The following ARHGAP5 variants were observed in gnomAD, a reference collection of about 807,000 sequenced individuals.
ARHGAP5 encodes rho GTPase-activating protein 5.
In ARHGAP5, 23 loss-of-function variants were observed where a neutral mutation model predicts 116.6. The ratio of observed to expected loss-of-function variants is 0.20; its 90% confidence interval spans 0.14 to 0.28. The LOEUF is 0.28. Ranked by LOEUF, ARHGAP5 falls within the 10% of genes least tolerant of loss-of-function variation. The pLI, the probability that ARHGAP5 is intolerant of heterozygous loss-of-function variation, is 1.00. For missense variants in ARHGAP5, 1,405 were observed against 1,774.8 expected (o/e 0.79, Z 3.74); for synonymous variants, 574 against 602.0 (o/e 0.95, Z 0.68).
intron 2 of ARHGAP5, among the ~76,000 whole-genome samples, chr14:32,096,519 A>T (rs1409301196): frequency 6.6e-6 from 1 of 152,244 alleles, no homozygotes; most frequent in Non-Finnish European, 1.5e-5. Flanking sequence ...GATAGATCAG[A>T]TTAAAAGATA....
intron 3 of ARHGAP5, among the ~76,000 whole-genome samples, chr14:32,136,098 T>C (rs1880777685): frequency 6.6e-6 from 1 of 152,246 alleles, no homozygotes; most frequent in South Asian, 2.1e-4. Context: ...TTTTGTTTTT[T>C]TCTTCCCAGC....
chr14:32,111,118 C>T (rs146924456), intron 2 of ARHGAP5, among the ~76,000 whole-genome samples: 5 of 152,290 alleles, frequency 3.3e-5, no homozygotes, highest in East Asian at 3.9e-4. Context: ...AGAAGACAAT[C>T]AGAGCCTGGG....
At chr14:32,153,773 A>G (rs1308035040) in intron 6 of ARHGAP5, among the ~76,000 whole-genome samples, 1 of 151,882 alleles carries the variant, frequency 6.6e-6, no homozygotes. Context: ...ACCTGCTGCA[A>G]CCAGGTTTTC....
intron 3 of ARHGAP5, among the ~76,000 whole-genome samples, chr14:32,140,086 GGTTATTTGTTC>G (rs1881028162): frequency 2.8e-4 from 12 of 43,600 alleles, no homozygotes; most frequent in African/African-American, 4.8e-4. Flanking sequence ...TTTTTTTTTA[GGTTATTTGTTC>G]TTTTTTTTTT....
At chr14:32,122,853 C>T (rs971493358) in intron 3 of ARHGAP5, among the ~76,000 whole-genome samples, 1 of 152,164 alleles carries the variant, frequency 6.6e-6, no homozygotes, top group African/African-American at 2.4e-5. Flanking sequence ...TTCTATTGAT[C>T]TGTATGTCTG....
rs747491236 is a variant in ARHGAP5 at position 32,092,058 on chromosome 14, C to A, written c.1389C>A (p.Tyr463Ter). 6.2e-7 allele frequency: 1 copy of A among 1,613,640 alleles called. No homozygotes were observed. Among genetic ancestry groups the A allele is most frequent in the African/African-American group, 1.3e-5 (1 of 74,962 alleles). ...VMCFVMEDEA[Y>*]KYITEADSKE... is the part of the protein sequence containing the mutation. Reference sequence around the variant, plus strand: ...GCTTTGTTATGGAGGATGAAGCCTACAAATATATCACTGAGGCTGATAGCA... The same window carrying A: ...GCTTTGTTATGGAGGATGAAGCCTAAAAATATATCACTGAGGCTGATAGCA... Residue 463 changes from tyrosine to a stop codon, truncating the protein, a stop_gained, in exon 2 of 7, where the codon TAC becomes TAA. Transcript: ENST00000345122. LOFTEE classifies it high-confidence loss of function. The surrounding 1 kb of genome is among the most constrained non-coding windows in gnomAD (Gnocchi z 4.1).
chr14:32,143,202 A>AGTTGTTGTT (rs140378018), intron 3 of ARHGAP5, among the ~76,000 whole-genome samples: 1,731 of 145,414 alleles, frequency 0.012, 10 homozygotes, highest in East Asian at 0.024. Flanking sequence ...ACATTATTTT[A>AGTTGTTGTT]GTTGTTGTTG....
intron 2 of ARHGAP5, among the ~76,000 whole-genome samples, chr14:32,100,758 AAAG>A (rs1878756251): frequency 6.6e-6 from 1 of 152,172 alleles, no homozygotes; most frequent in Non-Finnish European, 1.5e-5. Context: ...TACAGTGAAA[AAAG>A]AAGTACTTTT....
At chr14:32,081,894 T>A (rs1345475053) in intron 1 of ARHGAP5, among the ~76,000 whole-genome samples, 1 of 152,220 alleles carries the variant, frequency 6.6e-6, no homozygotes. Context: ...TACTATAATC[T>A]AGAGCAGCGA....
intron 3 of ARHGAP5, among the ~76,000 whole-genome samples, chr14:32,122,273 G>T (rs1247984289): frequency 6.6e-6 from 1 of 152,146 alleles, no homozygotes; most frequent in African/African-American, 2.4e-5. Context: ...GACTAATGAT[G>T]CCGAACATCT....
At position 32,158,372 on chromosome 14, in the gene ARHGAP5, T is replaced by TA. The variant is rs1881987924; in HGVS notation, c.*3424_*3425insA. On this transcript the variant is annotated 3_prime_UTR_variant, in exon 7 of 7. Coordinates refer to ENST00000345122, the MANE Select transcript of ARHGAP5 (RefSeq NM_001030055.2). ...TCAGGAAAACAAGATAATGCACAGA[T>TA]TTCTAAGACTAAGATCTTACCTGGA... 1 of 151,952 alleles carries TA rather than the reference T, an allele frequency of 6.6e-6. No individual in the cohort carries two copies. The highest frequency in any genetic ancestry group is 1.5e-5 in the Non-Finnish European group (1 of 67,860). 9.4% of individuals were successfully genotyped at this position (151,952 alleles called of 1,614,324 possible). A position where few individuals can be genotyped will look rare whatever the true frequency, so the allele number is the denominator to read the frequency against.
At chr14:32,131,862 G>C in intron 3 of ARHGAP5, among the ~76,000 whole-genome samples, 1 of 152,188 alleles carries the variant, frequency 6.6e-6, no homozygotes, top group Middle Eastern at 3.4e-3. Flanking sequence ...GCGATAGTTT[G>C]CTGAGAATGA....
chr14:32,077,627 C>A (rs74428616), intron 1 of ARHGAP5, among the ~76,000 whole-genome samples, 192 bp downstream of exon 1: 2 of 152,042 alleles, frequency 1.3e-5, no homozygotes, highest in Non-Finnish European at 2.9e-5. Flanking sequence ...GCAGCTGCAG[C>A]GTTAGGGATA....
chr14:32,112,896 A>C (rs971193709), intron 2 of ARHGAP5, among the ~76,000 whole-genome samples: 2 of 152,076 alleles, frequency 1.3e-5, no homozygotes, highest in East Asian at 1.9e-4. Flanking sequence ...GGATTTTCAT[A>C]CTTCAGAATT....
chr14:32,146,708 G>A (rs1013949952), intron 4 of ARHGAP5, among the ~76,000 whole-genome samples: 6 of 152,096 alleles, frequency 3.9e-5, no homozygotes, highest in Admixed American at 2.0e-4. Context: ...ATACAATATT[G>A]TATAAATTTT....
At position 32,093,935 on chromosome 14, in the gene ARHGAP5, A is replaced by G; in HGVS notation, c.3266A>G (p.Asp1089Gly). 6.2e-7 allele frequency: 1 copy of G among 1,614,124 alleles called. No homozygotes were observed. The highest frequency in any genetic ancestry group is 8.5e-7 in the Non-Finnish European group (1 of 1,180,018). Residue 1089 changes from aspartate to glycine, a missense_variant, in exon 2 of 7, where the codon GAT becomes GGT. Physicochemically the swap from Asp to Gly is moderately conservative, Grantham distance 94. Around this residue, in one of 6 missense-constraint regions of ARHGAP5, gnomAD observed 944 missense variants for 1,095.3 expected, o/e 0.86. Transcript: ENST00000345122. ...LAHPEDMDPS[D>G]NYAEPIDTIF... ...CATCCTGAAGATATGGATCCTTCAGATAACTATGCGGAACCCATTGATACA... is the reference window on the plus strand; with the variant it reads ...CATCCTGAAGATATGGATCCTTCAGGTAACTATGCGGAACCCATTGATACA...
In ARHGAP5 at chr14:32,093,121, C is replaced by A; in HGVS notation, c.2452C>A (p.Leu818Ile). The A allele has an allele frequency of 6.2e-7, 1 of 1,613,844 alleles. No individual in the cohort carries two copies. Among genetic ancestry groups the A allele is most frequent in the Non-Finnish European group, 8.5e-7 (1 of 1,179,896 alleles). The change falls in exon 2 of 7, where the codon CTT becomes ATT. Residue 818 changes from leucine to isoleucine, a missense_variant. Physicochemically the swap from Leu to Ile is conservative, Grantham distance 5. Transcript: ENST00000345122. ...AQAGQNNSLM[L>I]DKIIGEKRRR... ...AGCTGGACAGAATAATTCCCTAATGCTTGATAAAATCATTGGTGAAAAAAG... is the reference window on the plus strand; with the variant it reads ...AGCTGGACAGAATAATTCCCTAATGATTGATAAAATCATTGGTGAAAAAAG...
intron 1 of ARHGAP5, among the ~76,000 whole-genome samples, chr14:32,082,641 G>A (rs1168039065): frequency 6.6e-6 from 1 of 152,176 alleles, no homozygotes; most frequent in Non-Finnish European, 1.5e-5. Flanking sequence ...CTGGGTTCAA[G>A]CTATTCTCCT....
At chr14:32,135,507 C>G (rs1880743639) in intron 3 of ARHGAP5, among the ~76,000 whole-genome samples, 1 of 152,240 alleles carries the variant, frequency 6.6e-6, no homozygotes, top group African/African-American at 2.4e-5. Context: ...ACTGCAACCT[C>G]TACCTCCCAG....
Sources: allele counts gnomAD v4.1 joint callset (sites outside exome capture counted in the v4.1 genomes callset), GRCh38; gene constraint gnomAD v4.1.1; regional missense constraint gnomAD v4.1.1; non-coding constraint Gnocchi (gnomAD v3.1); transcripts MANE v1.5; gene names NCBI Gene and HGNC (gene_info 2026-07-23, HGNC 2026-07-21).